Variants in GRPEL1 observed in about 807,000 individuals in gnomAD.
The protein encoded by GRPEL1 is GrpE like 1, mitochondrial, also known as grpE protein homolog 1, mitochondrial.
In GRPEL1, 13 loss-of-function variants were observed where a neutral mutation model predicts 22.1. The ratio of observed to expected loss-of-function variants is 0.59; its 90% CI spans 0.38 to 0.94. GRPEL1 has a LOEUF of 0.94. Among genes scored for constraint, GRPEL1 ranks in the 40% least tolerant of loss-of-function variants. The pLI, the probability that GRPEL1 is intolerant of heterozygous loss-of-function variation, is 0.00. For synonymous variants in GRPEL1, 109 were observed against 105.3 expected (o/e 1.03, Z -0.21); for missense variants, 289 against 264.6 (o/e 1.09, Z -0.64).
chr4:7,064,155 A>G lies in GRPEL1; in HGVS notation c.131T>C (p.Met44Thr), dbSNP rs200577196. Residue 44 changes from methionine to threonine, a missense_variant, in exon 2 of 4, where the codon ATG becomes ACG. Transcript: ENST00000264954. ...KNSGQNLEED[M>T]GQSEQKADPP... ...ATCTGCCTTCTGTTCACTCTGACCC[A>G]TGTCCTCTTCCAGGTTCTGGCCACT... The G allele has an allele frequency of 6.2e-7, 1 of 1,614,128 alleles. No individual in the cohort carries two copies. Among genetic ancestry groups the G allele is most frequent in the Non-Finnish European group, 8.5e-7 (1 of 1,180,008 alleles).
chr4:7,067,731 G>A (rs1263397174), intron 1 of GRPEL1, among the ~76,000 whole-genome samples: 1 of 152,254 alleles, frequency 6.6e-6, no homozygotes, highest in Non-Finnish European at 1.5e-5. Context: ...CCCGCGCTGC[G>A]GTCCTCTCCT....
chr4:7,064,120 TAGC>T lies in GRPEL1; in HGVS notation c.163_165del (p.Ala55del). On this transcript the variant is annotated inframe_deletion, in exon 2 of 4. Coordinates refer to ENST00000264954, the MANE Select transcript of GRPEL1 (RefSeq NM_025196.4). ...TTCTCTTCCAGGAGGGTCTTCTCTG[TAGC>T]AGGAGGATCTGCCTTCTGTTCACTC... 6.2e-7 allele frequency: 1 copy of T among 1,614,222 alleles called. No individual in the cohort carries two copies. Among genetic ancestry groups the T allele is most frequent in the Non-Finnish European group, 8.5e-7 (1 of 1,180,026 alleles).
chr4:7,065,563 T>C (rs1724146885), intron 1 of GRPEL1, among the ~76,000 whole-genome samples: 1 of 150,442 alleles, frequency 6.6e-6, no homozygotes, highest in African/African-American at 2.4e-5. Flanking sequence ...AAGTGCTTTG[T>C]GCTTTGGGAG....
rs919920773 is a variant in GRPEL1 at position 7,061,090 on chromosome 4, C to A, written c.426G>T (p.Glu142Asp). 9 of 1,614,222 alleles carry A rather than the reference C, an allele frequency of 5.6e-6. No homozygotes were observed. The highest frequency in any genetic ancestry group is 7.6e-6 in the Non-Finnish European group (9 of 1,180,048). Residue 142 changes from glutamate to aspartate, a missense_variant, in exon 4 of 4, where the codon GAG (glutamate) becomes GAT (aspartate). Coordinates refer to ENST00000264954, the MANE Select transcript of GRPEL1 (RefSeq NM_025196.4). ...DDNPHLKNLY[E>D]GLVMTEVQIQ... ...TCTGGACTTCAGTCATGACCAGCCCCTCATAGAGGTTCTTCAGGTGAGGGT... is the reference window on the plus strand; with the variant it reads ...TCTGGACTTCAGTCATGACCAGCCCATCATAGAGGTTCTTCAGGTGAGGGT...
At chr4:7,064,952 G>T (rs2108792699) in intron 1 of GRPEL1, among the ~76,000 whole-genome samples, 1 of 152,302 alleles carries the variant, frequency 6.6e-6, no homozygotes, top group South Asian at 2.1e-4. Flanking sequence ...GAGCCACTGT[G>T]CCTGTCTTTT....
Position 7,064,131 on chromosome 4 carries a change from T to A in GRPEL1, c.155A>T (p.Asp52Val), listed in dbSNP as rs1724104117. The A allele has an allele frequency of 1.2e-6, 2 of 1,614,212 alleles. No individual in the cohort carries two copies. The highest frequency in any genetic ancestry group is 1.7e-5 in the Admixed American group (1 of 60,030). The change falls in exon 2 of 4, where the codon GAT (aspartate) becomes GTT (valine). Residue 52 changes from aspartate to valine, a missense_variant. Transcript: ENST00000264954. ...GAGGGTCTTCTCTGTAGCAGGAGGA[T>A]CTGCCTTCTGTTCACTCTGACCCAT... is the stretch of plus-strand genomic sequence containing the variant. ...EDMGQSEQKADPPATEKTLLE... is the reference protein window; with the variant it reads ...EDMGQSEQKAVPPATEKTLLE...
rs762049173 is a variant in GRPEL1 at position 7,061,047 on chromosome 4, T to C, written c.469A>G (p.Lys157Glu). 5 of 1,614,162 alleles carry C rather than the reference T, an allele frequency of 3.1e-6. No homozygotes were observed. The South Asian group carries it at 5.5e-5, about 18-fold the overall frequency. The change falls in exon 4 of 4, where the codon AAG (lysine) becomes GAG (glutamate). Residue 157 changes from lysine (K) to glutamate (E), a missense_variant. By Grantham distance (56) the Lys-to-Glu change is moderately conservative. Transcript: ENST00000264954. Reference sequence around the variant, plus strand: ...GGGTTCAACTTGAGCAAGCCATGCTTTGTGAACACCTTCTGGATCTGGACT... The same window carrying C: ...GGGTTCAACTTGAGCAAGCCATGCTCTGTGAACACCTTCTGGATCTGGACT... Reference protein sequence around the residue: ...TEVQIQKVFTKHGLLKLNPVG... With the variant: ...TEVQIQKVFTEHGLLKLNPVG...
rs376613579 is a variant in GRPEL1, at chr4:7,061,119, C to T, written c.397G>A (p.Asp133Asn). ...QCVPKEEIKD[D>N]NPHLKNLYEG... ...TAGAGGTTCTTCAGGTGAGGGTTATCGTCTTTAATTTCTTCTTTTGGAACA... is the reference window on the plus strand; with the variant it reads ...TAGAGGTTCTTCAGGTGAGGGTTATTGTCTTTAATTTCTTCTTTTGGAACA... Residue 133 changes from aspartate to asparagine, a missense_variant, in exon 4 of 4, where the codon GAT becomes AAT. Transcript: ENST00000264954. 2.9e-5 allele frequency: 47 copies of T among 1,614,076 alleles called. No individual in the cohort carries two copies. Among genetic ancestry groups the T allele is most frequent in the African/African-American group, 8.0e-5 (6 of 74,928 alleles).
At chr4:7,067,220 A>G (rs1430636890) in intron 1 of GRPEL1, among the ~76,000 whole-genome samples, 1 of 151,940 alleles carries the variant, frequency 6.6e-6, no homozygotes, top group African/African-American at 2.4e-5. Flanking sequence ...CTAACTTCTA[A>G]AGTAGAACTT....
At chr4:7,062,273 T>TG in intron 3 of GRPEL1, 112 bp downstream of exon 3, 31 of 372,432 alleles carry the variant, frequency 8.3e-5, no homozygotes, top group East Asian at 2.3e-4. Flanking sequence ...ATGCAACAGC[T>TG]GGACCCCCCA....
At chr4:7,061,296 CTATT>C in intron 3 of GRPEL1, 88 bp from the exon 4 acceptor site, 3 of 1,001,976 alleles carry the variant, frequency 3.0e-6, no homozygotes, top group Non-Finnish European at 2.9e-6. Flanking sequence ...GATGTGGAGG[CTATT>C]TAGTAACTTG....
At chr4:7,062,538 T>G in intron 2 of GRPEL1, 72 bp from the exon 3 acceptor site, 1 of 385,346 alleles carries the variant, frequency 2.6e-6, no homozygotes, top group Non-Finnish European at 4.0e-6. Flanking sequence ...GACGGAATCT[T>G]GCTCTGTATG....
rs75402974 is a variant in GRPEL1, at chr4:7,063,844, G to A, written c.225+217C>T. Among the ~76,000 whole-genome samples, 1,466 of 152,286 alleles carry A rather than the reference G, an allele frequency of 9.6e-3. 24 individuals are homozygous for A. Among genetic ancestry groups the A allele is most frequent in the African/African-American group, 0.033 (1,382 of 41,540 alleles). ...TTTTCATTCAATGACAAATAACAGC[G>A]TGTAAAGATTAGTCTCTTGCCAGAA... On this transcript the variant is annotated intron_variant, in intron 2 of 3. Coordinates refer to ENST00000264954, the MANE Select transcript of GRPEL1 (RefSeq NM_025196.4).
At chr4:7,066,244 T>C (rs556140172) in intron 1 of GRPEL1, among the ~76,000 whole-genome samples, 1 of 152,338 alleles carries the variant, frequency 6.6e-6, no homozygotes, top group East Asian at 1.9e-4. Flanking sequence ...GTCAAGGCTG[T>C]TTATTGCAGC....
Position 7,060,925 on chromosome 4 carries a change from C to G in GRPEL1, c.591G>C (p.Val197=). The part of the protein sequence containing the change: ...EPGTVALVSK[V]GYKLHGRTLR... ...GAGTGCGCCCATGCAGCTTGTACCC[C>G]ACTTTGCTAACTAGGGCCACTGTGC... The change falls in exon 4 of 4, where the codon GTG becomes GTC. Residue 197 remains valine, a synonymous_variant. Transcript: ENST00000264954. 1 of 1,614,214 alleles carries G rather than the reference C, an allele frequency of 6.2e-7. No individual in the cohort carries two copies. The highest frequency in any genetic ancestry group is 8.5e-7 in the Non-Finnish European group (1 of 1,180,042).
Position 7,064,089 on chromosome 4 carries a change from T to C in GRPEL1, c.197A>G (p.Lys66Arg), listed in dbSNP as rs1381076265. 5 of 1,614,222 alleles carry C rather than the reference T, an allele frequency of 3.1e-6. No homozygotes were observed. Among genetic ancestry groups the C allele is most frequent in the Non-Finnish European group, 4.2e-6 (5 of 1,180,026 alleles). ...TEKTLLEEKVKLEEQLKETVE... is the reference protein window; with the variant it reads ...TEKTLLEEKVRLEEQLKETVE... ...AGTCTCCTTCAGCTGTTCCTCCAACTTGACCTTCTCTTCCAGGAGGGTCTT... is the reference window on the plus strand; with the variant it reads ...AGTCTCCTTCAGCTGTTCCTCCAACCTGACCTTCTCTTCCAGGAGGGTCTT... The change falls in exon 2 of 4, where the codon AAG becomes AGG. Residue 66 changes from lysine to arginine, a missense_variant. Lys to Arg is a conservative substitution (Grantham distance 26, BLOSUM62 2). Transcript: ENST00000264954.
At position 7,059,670 on chromosome 4, in the gene GRPEL1, C is replaced by T. The variant is rs879699768; in HGVS notation, c.*1192G>A. ...TTTCCTGTGCAGCAAATGGCTTTCA[C>T]AAGTATCTTCCATTCTAGAAGCAAA... is the stretch of plus-strand genomic sequence containing the variant. On this transcript the variant is annotated 3_prime_UTR_variant, in exon 4 of 4. Transcript: ENST00000264954. 3.9e-5 allele frequency: 6 copies of T among 152,254 alleles called. No individual in the cohort carries two copies. The highest frequency in any genetic ancestry group is 1.3e-4 in the Admixed American group (2 of 15,286). 9.4% of individuals were successfully genotyped at this position (152,254 alleles called of 1,614,324 possible).
At chr4:7,062,706 G>A (rs1724075437) in intron 2 of GRPEL1, among the ~76,000 whole-genome samples, 1 of 151,764 alleles carries the variant, frequency 6.6e-6, no homozygotes, top group South Asian at 2.1e-4. Context: ...TAGAGATAGG[G>A]TTTCACCGTG....
chr4:7,065,508 C>T (rs1724145421), intron 1 of GRPEL1, among the ~76,000 whole-genome samples: 1 of 146,146 alleles, frequency 6.8e-6, no homozygotes, highest in African/African-American at 2.6e-5. Context: ...GAGGGAAACT[C>T]TGTCTCAAAA....
Sources: allele counts gnomAD v4.1 joint callset (sites outside exome capture counted in the v4.1 genomes callset), GRCh38; gene constraint gnomAD v4.1.1; transcripts MANE v1.5; gene names NCBI Gene and HGNC (gene_info 2026-07-23, HGNC 2026-07-21).